CEP128: variants seen among roughly 807,000 people sequenced by gnomAD.
The protein encoded by CEP128 is centrosomal protein 128, also known as centrosomal protein 128kDa.
In CEP128, 132 loss-of-function variants were observed where a neutral mutation model predicts 156.7. The observed-to-expected ratio is 0.84, with a 90% CI of 0.73 to 0.97. The LOEUF (loss-of-function observed/expected upper bound fraction) is 0.97. Ranked by LOEUF, CEP128 falls within the 50% of genes least tolerant of loss-of-function variation. The pLI is 0.00. For synonymous variants in CEP128, 469 were observed against 448.9 expected (o/e 1.04, Z -0.57); for missense variants, 1,252 against 1,281.9 (o/e 0.98, Z 0.36).
intron 19 of CEP128, among the ~76,000 whole-genome samples, chr14:80,699,863 G>T (rs1371607582): frequency 6.6e-6 from 1 of 152,076 alleles, no homozygotes; most frequent in Non-Finnish European, 1.5e-5. Flanking sequence ...TAAAAGAATG[G>T]GGGTAGTTCC....
At chr14:80,491,437 A>G in intron 6 of CEP128, among the ~76,000 whole-genome samples, 1 of 152,006 alleles carries the variant, frequency 6.6e-6, no homozygotes, top group Non-Finnish European at 1.5e-5. Context: ...AAGAAAGAAA[A>G]AGTCCCTAGG....
At chr14:80,933,288 G>A (rs1328634679) in intron 2 of CEP128, among the ~76,000 whole-genome samples, 1 of 152,210 alleles carries the variant, frequency 6.6e-6, no homozygotes, top group South Asian at 2.1e-4. Flanking sequence ...CAGTAACTCA[G>A]TAAGTCTCTC....
At chr14:80,790,060 C>T (rs1445845845) in intron 14 of CEP128, among the ~76,000 whole-genome samples, 1 of 151,938 alleles carries the variant, frequency 6.6e-6, no homozygotes, top group Admixed American at 6.6e-5. Flanking sequence ...TCAGATTTTA[C>T]AAGATAGCAT....
chr14:80,798,395 A>G (rs1883622771), intron 13 of CEP128, among the ~76,000 whole-genome samples: 1 of 152,230 alleles, frequency 6.6e-6, no homozygotes. Flanking sequence ...GGAAACTAAG[A>G]GTCCACTTCC....
intron 19 of CEP128, among the ~76,000 whole-genome samples, chr14:80,734,846 C>CAAAAAAA (rs397798792): frequency 6.4e-5 from 4 of 62,062 alleles, no homozygotes; most frequent in Non-Finnish European, 9.4e-5. Context: ...GACCCCATCT[C>CAAAAAAA]AAAAAAAAAA....
chr14:80,590,282 A>G (rs1275709522), intron 19 of CEP128, among the ~76,000 whole-genome samples: 1 of 152,172 alleles, frequency 6.6e-6, no homozygotes, highest in Non-Finnish European at 1.5e-5. Flanking sequence ...GAAGATAAAT[A>G]TAAGGAAATC....
At chr14:80,552,362 C>A (rs915872703) in intron 21 of CEP128, among the ~76,000 whole-genome samples, 1 of 151,746 alleles carries the variant, frequency 6.6e-6, no homozygotes, top group Non-Finnish European at 1.5e-5. Context: ...TAAACCAATT[C>A]TCTTAAAACT....
intron 19 of CEP128, among the ~76,000 whole-genome samples, chr14:80,711,011 T>C (rs1200831594): frequency 6.6e-6 from 1 of 152,178 alleles, no homozygotes; most frequent in Non-Finnish European, 1.5e-5. Context: ...ACATCCATCC[T>C]CTTAAGAGAA....
At chr14:80,955,917 T>C (rs1175296970) in intron 2 of CEP128, 5 of 1,603,314 alleles carry the variant, frequency 3.1e-6, no homozygotes, top group African/African-American at 1.3e-5. Context: ...TGGCCCGAAG[T>C]GCACAAAAGC....
intron 19 of CEP128, among the ~76,000 whole-genome samples, chr14:80,599,590 T>A (rs532102846): frequency 1.3e-5 from 2 of 152,176 alleles, no homozygotes; most frequent in African/African-American, 4.8e-5. Context: ...ATATTCTTTT[T>A]TCTAGACTAC....
intron 19 of CEP128, among the ~76,000 whole-genome samples, chr14:80,653,307 C>A (rs1396821213): frequency 6.6e-6 from 1 of 152,024 alleles, no homozygotes; most frequent in Non-Finnish European, 1.5e-5. Context: ...ACATTCTACA[C>A]ATGCACCCCA....
chr14:80,611,067 T>G (rs1408045696), intron 19 of CEP128, among the ~76,000 whole-genome samples: 1 of 152,020 alleles, frequency 6.6e-6, no homozygotes, highest in Non-Finnish European at 1.5e-5. Flanking sequence ...GGAATAGAAC[T>G]GAGAGTTCTA....
intron 19 of CEP128, among the ~76,000 whole-genome samples, chr14:80,723,346 C>T (rs1595287350): frequency 6.6e-6 from 1 of 152,144 alleles, no homozygotes; most frequent in South Asian, 2.1e-4. Flanking sequence ...ACCTGCTCAT[C>T]GCTTCCACCC....
In CEP128 at chr14:80,855,247, C is replaced by T. The variant is rs145048978; in HGVS notation, c.762+7510G>A. Among the ~76,000 whole-genome samples the T allele has an allele frequency of 1.4e-3, 217 of 152,134 alleles. 4 individuals are homozygous for T. Among genetic ancestry groups the T allele is most frequent in the African/African-American group, 5.0e-3 (206 of 41,502 alleles). ...CCTGCCTGTGTTACTCTCTGCTTAC[C>T]GAACCCCATGGGGCTCACACAGTCC... On this transcript the variant is annotated intron_variant, in intron 9 of 24. Coordinates refer to ENST00000555265, the MANE Select transcript of CEP128 (RefSeq NM_152446.5).
intron 13 of CEP128, among the ~76,000 whole-genome samples, chr14:80,829,296 T>A (rs956848572): frequency 6.6e-6 from 1 of 152,226 alleles, no homozygotes; most frequent in Non-Finnish European, 1.5e-5. Context: ...GGGATAAACA[T>A]TGTCTTTGTG....
chr14:80,531,254 CAG>C (rs2140277636), intron 21 of CEP128, among the ~76,000 whole-genome samples: 1 of 152,200 alleles, frequency 6.6e-6, no homozygotes, highest in East Asian at 1.9e-4. Flanking sequence ...TACTGAGAAA[CAG>C]ATGAATCTGC....
chr14:80,573,401 G>A (rs1430730517), intron 20 of CEP128, among the ~76,000 whole-genome samples: 3 of 152,136 alleles, frequency 2.0e-5, no homozygotes, highest in Admixed American at 2.0e-4. Flanking sequence ...GAAGTCTTGC[G>A]CTTTTCATCC....
chr14:80,530,863 A>C lies in CEP128; in HGVS notation c.2904T>G (p.His968Gln), dbSNP rs199749626. The change falls in exon 22 of 25, where the codon CAT becomes CAG. Residue 968 changes from histidine (H) to glutamine (Q), a missense_variant. Transcript: ENST00000555265. Reference sequence around the variant, plus strand: ...TCAGTTTCTCAGGCACAGACTCCAGATGGTCCAAGGCCACTTGGGTACTCT... The same window carrying C: ...TCAGTTTCTCAGGCACAGACTCCAGCTGGTCCAAGGCCACTTGGGTACTCT... The part of the protein sequence containing the change: ...LETSTQVALD[H>Q]LESVPEKLSL... 234 of 1,609,470 alleles carry C rather than the reference A, an allele frequency of 1.5e-4. No homozygotes were observed. The highest frequency in any genetic ancestry group is 1.9e-4 in the Non-Finnish European group (220 of 1,177,470).
At chr14:80,495,667 C>T (rs1224737626), downstream of CEP128, among the ~76,000 whole-genome samples, 2 of 151,846 alleles carry the variant, frequency 1.3e-5, no homozygotes, top group African/African-American at 4.8e-5. Context: ...TGGTTTGGTG[C>T]AATTTTTTTT....
Sources: gnomAD v4.1 joint callset for allele counts (sites outside exome capture counted in the v4.1 genomes callset) on GRCh38, gnomAD v4.1.1 for gene constraint, MANE v1.5 for transcripts, NCBI Gene and HGNC (gene_info 2026-07-23, HGNC 2026-07-21) for gene names.